TASOR2: variants seen among roughly 807,000 people sequenced by gnomAD.
TASOR2 encodes the protein transcription activation suppressor family member 2.
TASOR2 carries 84 observed loss-of-function variants against 199.5 expected under a neutral mutation model. That is an observed-to-expected ratio of 0.42 (90% CI 0.35 to 0.50). The LOEUF (loss-of-function observed/expected upper bound fraction) is 0.50, where lower values mean the gene tolerates loss of function less well. Ranked by LOEUF, TASOR2 falls within the 20% of genes least tolerant of loss-of-function variation. The pLI, the probability that TASOR2 is intolerant of heterozygous loss-of-function variation, is 0.02. For missense variants in TASOR2, 2,796 were observed against 2,835.9 expected (o/e 0.99, Z 0.32); for synonymous variants, 1,103 against 1,046.6 (o/e 1.05, Z -1.04).
Position 5,719,434 on chromosome 10 carries a change from C to T in TASOR2, c.-99-1110C>T, listed in dbSNP as rs1373300745. 6.6e-6 allele frequency among the ~76,000 whole-genome samples: 1 copy of T among 152,120 alleles called. No individual in the cohort carries two copies. Among genetic ancestry groups the T allele is most frequent in the African/African-American group, 2.4e-5 (1 of 41,420 alleles). On this transcript the variant is annotated intron_variant, in intron 3 of 20. Coordinates refer to ENST00000328090, the Ensembl canonical transcript of TASOR2. The surrounding 1 kb of genome is among the most constrained non-coding windows in gnomAD (Gnocchi z 4.1). The stretch of plus-strand genomic sequence containing the variant: ...CTCAGCTCACTGCAACCTCCACCTC[C>T]CGGGTTCAAGCAATTTTCCTACCTC...
chr10:5,712,770 A>G, intron 1 of TASOR2, 53 bp from the exon 2 acceptor site: 1 of 998,812 alleles, frequency 1.0e-6, no homozygotes, highest in Non-Finnish European at 1.3e-6. Flanking sequence ...AAAATTTGCA[A>G]GACAAAATAG....
chr10:5,739,683 A>G (rs1379929130), exon 13 of TASOR2: 1 of 1,614,114 alleles, frequency 6.2e-7, no homozygotes, highest in African/African-American at 1.3e-5. Flanking sequence ...AGATGGGATT[A>G]GCATAAATAG....
At chr10:5,727,660 T>C (rs983833628) in intron 10 of TASOR2, among the ~76,000 whole-genome samples, 2 of 152,152 alleles carry the variant, frequency 1.3e-5, no homozygotes, top group African/African-American at 2.4e-5. Flanking sequence ...CTAAGAGGGC[T>C]GGGAAGGAGG....
intron 15 of TASOR2, among the ~76,000 whole-genome samples, chr10:5,755,756 A>C (rs1426171082): frequency 6.6e-6 from 1 of 152,106 alleles, no homozygotes; most frequent in Non-Finnish European, 1.5e-5. Flanking sequence ...AGGCTGAGGT[A>C]AGAGAACTGC....
exon 15 of TASOR2, chr10:5,746,206 T>C (rs775417064): frequency 1.2e-5 from 19 of 1,577,090 alleles, no homozygotes; most frequent in Non-Finnish European, 1.6e-5. Context: ...TAAACAAGAA[T>C]CATTGGAGAC....
At chr10:5,712,464 C>A in intron 1 of TASOR2, 1 of 1,231,684 alleles carries the variant, frequency 8.1e-7, no homozygotes, top group Non-Finnish European at 1.0e-6. Context: ...ATACTTCTTA[C>A]TTGGACTCTT....
intron 18 of TASOR2, among the ~76,000 whole-genome samples, chr10:5,759,317 T>C (rs894920249): frequency 3.3e-5 from 5 of 152,234 alleles, no homozygotes; most frequent in African/African-American, 4.8e-5. Flanking sequence ...TGGATACTTA[T>C]AAGTTGCCAC....
chr10:5,719,990 A>G lies in TASOR2; in HGVS notation c.-99-554A>G, dbSNP rs1214995635. 1.3e-5 allele frequency among the ~76,000 whole-genome samples: 2 copies of G among 152,172 alleles called. No homozygotes were observed. The highest frequency in any genetic ancestry group is 2.9e-5 in the Non-Finnish European group (2 of 68,018). On this transcript the variant is annotated intron_variant, in intron 3 of 20. Coordinates refer to ENST00000328090, the Ensembl canonical transcript of TASOR2. The surrounding 1 kb of genome is among the most constrained non-coding windows in gnomAD (Gnocchi z 4.1). Reference sequence around the variant, plus strand: ...CTCTCTTAAATTTAGGGTGATTCGTATATTTCTTTGATATTGTGATAAAAA... The same window carrying G: ...CTCTCTTAAATTTAGGGTGATTCGTGTATTTCTTTGATATTGTGATAAAAA...
intron 18 of TASOR2, among the ~76,000 whole-genome samples, 181 bp downstream of exon 19, chr10:5,759,173 T>C (rs76602369): frequency 0.025 from 3,746 of 152,274 alleles, 57 homozygotes; most frequent in South Asian, 0.037. Flanking sequence ...GCCAACAGTA[T>C]GAGGCATGTA....
intron 1 of TASOR2, among the ~76,000 whole-genome samples, chr10:5,707,850 A>C (rs1293432944): frequency 6.6e-6 from 1 of 151,976 alleles, no homozygotes. Flanking sequence ...AAGGGACATG[A>C]TTGTTGGGAA....
chr10:5,729,490 C>T (rs1251687228), intron 10 of TASOR2, among the ~76,000 whole-genome samples: 2 of 152,186 alleles, frequency 1.3e-5, no homozygotes, highest in Non-Finnish European at 2.9e-5. Context: ...CACTTGAGCC[C>T]ACTCGTTCAA....
intron 18 of TASOR2, among the ~76,000 whole-genome samples, chr10:5,760,126 T>C (rs1234801695): frequency 1.3e-5 from 2 of 152,190 alleles, no homozygotes; most frequent in African/African-American, 4.8e-5. Flanking sequence ...CAAACTGATA[T>C]GGTAGAGCCT....
chr10:5,757,731 GA>G (rs1436899004), intron 17 of TASOR2, 58 bp downstream of exon 18: 1 of 1,559,284 alleles, frequency 6.4e-7, no homozygotes, highest in Non-Finnish European at 8.8e-7. Flanking sequence ...CTCACCCAGT[GA>G]CCTAAATACT....
chr10:5,715,630 G>A (rs992739301), intron 2 of TASOR2, among the ~76,000 whole-genome samples: 2 of 126,072 alleles, frequency 1.6e-5, no homozygotes, highest in African/African-American at 6.7e-5. Flanking sequence ...AATTGCATTG[G>A]TAGGCAGTTT....
Position 5,752,293 on chromosome 10 carries a change from C to T in TASOR2, c.6606+2266C>T, listed in dbSNP as rs913262879. 1.3e-5 allele frequency among the ~76,000 whole-genome samples: 2 copies of T among 152,204 alleles called. No homozygotes were observed. The highest frequency in any genetic ancestry group is 6.5e-5 in the Admixed American group (1 of 15,288). ...GAAATGAAAGTGATGGTAAATGTGA[C>T]GCAGGTGCCACGAGGACGCATTGAG... is the stretch of plus-strand genomic sequence containing the variant. On this transcript the variant is annotated intron_variant, in intron 15 of 20. Coordinates refer to ENST00000328090, the Ensembl canonical transcript of TASOR2. The surrounding 1 kb of genome is among the most constrained non-coding windows in gnomAD (Gnocchi z 4.4).
chr10:5,746,147 A>ATTTTT, intron 14 of TASOR2, 32 bp from the exon 16 acceptor site: 3 of 1,389,828 alleles, frequency 2.2e-6, no homozygotes, highest in Admixed American at 2.5e-5. Flanking sequence ...TATATGACTG[A>ATTTTT]TTTTTTTTTT....
At position 5,685,804 on chromosome 10, in the gene TASOR2, C is replaced by T. The variant is rs992472010; in HGVS notation, c.-288+629C>T. ...TGGGAATTCTCAAGTTTCTCTTAGT[C>T]GCTTCTTGTCTATTTGAAATCTGTA... On this transcript the variant is annotated intron_variant, in intron 1 of 20. Transcript: ENST00000328090. This position sits in a 1 kb window ranked among gnomAD's most constrained non-coding sequence, Gnocchi z 5.4. Among the ~76,000 whole-genome samples the T allele has an allele frequency of 1.3e-5, 2 of 152,184 alleles. No individual in the cohort carries two copies. The highest frequency in any genetic ancestry group is 4.8e-5 in the African/African-American group (2 of 41,442).
exon 15 of TASOR2, chr10:5,749,604 C>T (rs1264558071): frequency 6.2e-7 from 1 of 1,614,124 alleles, no homozygotes; most frequent in East Asian, 2.2e-5. Flanking sequence ...ACACAGCCAG[C>T]AGTCTGGACA....
rs945444308 is a variant in TASOR2 at position 5,706,776 on chromosome 10, G to A, written c.-287-6047G>A. Among the ~76,000 whole-genome samples, 2 of 152,184 alleles carry A rather than the reference G, an allele frequency of 1.3e-5. No homozygotes were observed. Among genetic ancestry groups the A allele is most frequent in the African/African-American group, 2.4e-5 (1 of 41,436 alleles). On this transcript the variant is annotated intron_variant, in intron 1 of 20. Transcript: ENST00000328090. This position sits in a 1 kb window ranked among gnomAD's most constrained non-coding sequence, Gnocchi z 4.8. ...CCAGCACTTTGGGAGGCCGAGGTAT[G>A]CAGATCACTTGAGGCCAGGAGTTCG...
Sources: allele counts gnomAD v4.1 joint callset (sites outside exome capture counted in the v4.1 genomes callset), GRCh38; gene constraint gnomAD v4.1.1; non-coding constraint Gnocchi (gnomAD v3.1); transcripts MANE v1.5; gene names NCBI Gene and HGNC (gene_info 2026-07-23, HGNC 2026-07-21).